Variants in CERS6 observed in about 807,000 individuals in gnomAD.
CERS6 encodes ceramide synthase 6, also known as LAG1 homolog, ceramide synthase 6.
CERS6 carries 26 observed loss-of-function variants against 56.8 expected under a neutral mutation model. That is an observed-to-expected ratio of 0.46 (90% CI 0.34 to 0.63). CERS6 has a LOEUF of 0.63. Ranked by LOEUF, CERS6 falls within the 30% of genes least tolerant of loss-of-function variation. The pLI, the probability that CERS6 is intolerant of heterozygous loss-of-function variation, is 0.01. For synonymous variants in CERS6, 164 were observed against 173.3 expected, an observed-to-expected ratio of 0.95 and a Z score of 0.42; for missense variants, 415 against 467.5, an observed-to-expected ratio of 0.89 and a Z score of 1.04.
chr2:168,655,544 A>G (rs1262581640), intron 4 of CERS6, among the ~76,000 whole-genome samples: 1 of 152,240 alleles, frequency 6.6e-6, no homozygotes, highest in Non-Finnish European at 1.5e-5. Context: ...ATTCAGCCTT[A>G]AAAAGGTGAT....
At chr2:168,744,998 T>TCC (rs1234600600) in intron 8 of CERS6, among the ~76,000 whole-genome samples, 1 of 152,126 alleles carries the variant, frequency 6.6e-6, no homozygotes, top group Non-Finnish European at 1.5e-5. Context: ...CTTTTGAAGC[T>TCC]CCCCAGGTGA....
At chr2:168,484,774 A>G (rs993624926) in intron 1 of CERS6, among the ~76,000 whole-genome samples, 1 of 152,114 alleles carries the variant, frequency 6.6e-6, no homozygotes, top group African/African-American at 2.4e-5. Context: ...GGCATTTAGC[A>G]TTTAAGTCCT....
chr2:168,510,815 C>T (rs1040531416), intron 1 of CERS6, among the ~76,000 whole-genome samples: 4 of 151,724 alleles, frequency 2.6e-5, no homozygotes, highest in East Asian at 1.9e-4. Context: ...AACTGTTTTA[C>T]GTGCATTAAC....
At chr2:168,579,061 T>C (rs181446251) in intron 3 of CERS6, among the ~76,000 whole-genome samples, 1 of 152,198 alleles carries the variant, frequency 6.6e-6, no homozygotes, top group Admixed American at 6.5e-5. Flanking sequence ...ATTTTTATTA[T>C]GAAAATTTTG....
chr2:168,500,823 T>C (rs897010076), intron 1 of CERS6, among the ~76,000 whole-genome samples: 2 of 152,214 alleles, frequency 1.3e-5, no homozygotes, highest in African/African-American at 4.8e-5. Flanking sequence ...TCCTGTCTAA[T>C]TTTGACAGTG....
At chr2:168,522,932 T>A (rs760342820) in intron 1 of CERS6, among the ~76,000 whole-genome samples, 2 of 152,226 alleles carry the variant, frequency 1.3e-5, no homozygotes, top group African/African-American at 2.4e-5. Flanking sequence ...CTCAAGTAGA[T>A]GAAACTCAAT....
At chr2:168,632,064 G>A (rs975296386) in intron 4 of CERS6, among the ~76,000 whole-genome samples, 1 of 151,264 alleles carries the variant, frequency 6.6e-6, no homozygotes, top group Admixed American at 6.6e-5. Context: ...GTAATTCCTT[G>A]TGGCTGCTAT....
chr2:168,732,902 G>A (rs1290561810), intron 8 of CERS6, among the ~76,000 whole-genome samples: 1 of 151,982 alleles, frequency 6.6e-6, no homozygotes, highest in East Asian at 1.9e-4. Flanking sequence ...AGTGATGCTT[G>A]GTTGTGTGTT....
chr2:168,702,478 A>G (rs1686830069), intron 6 of CERS6, among the ~76,000 whole-genome samples: 1 of 152,236 alleles, frequency 6.6e-6, no homozygotes, highest in Admixed American at 6.5e-5. Flanking sequence ...CTTTCAAGCA[A>G]AAATTAGATT....
chr2:168,556,535 T>A (rs368531666), intron 2 of CERS6, among the ~76,000 whole-genome samples: 2 of 152,106 alleles, frequency 1.3e-5, no homozygotes, highest in East Asian at 3.8e-4. Context: ...TTGTGCCAAA[T>A]TTTACATTGA....
At position 168,773,677 on chromosome 2, in the gene CERS6, A is replaced by G. The variant is rs753430116; in HGVS notation, c.*4015A>G. On this transcript the variant is annotated 3_prime_UTR_variant, in exon 10 of 10. Coordinates refer to ENST00000305747, the MANE Select transcript of CERS6 (RefSeq NM_203463.3). ...AGCCGCCCTTGAAGAAAACGCAGCAAAATATTTTAAAATGAAGATATTGCA... is the reference window on the plus strand; with the variant it reads ...AGCCGCCCTTGAAGAAAACGCAGCAGAATATTTTAAAATGAAGATATTGCA... 2.0e-5 allele frequency: 3 copies of G among 152,224 alleles called. No homozygotes were observed. Among genetic ancestry groups the G allele is most frequent in the Non-Finnish European group, 2.9e-5 (2 of 68,040 alleles). The allele number at this position is 152,224 out of a possible 1,614,324, so 9.4% of individuals were successfully genotyped here. A position where few individuals can be genotyped will look rare whatever the true frequency, so the allele number is the denominator to read the frequency against.
At chr2:168,493,828 T>C (rs1278810319) in intron 1 of CERS6, among the ~76,000 whole-genome samples, 1 of 150,088 alleles carries the variant, frequency 6.7e-6, no homozygotes, top group East Asian at 2.0e-4. Flanking sequence ...ATTAATGTAA[T>C]ATATTAATAT....
At chr2:168,677,547 G>A (rs185371794) in intron 4 of CERS6, among the ~76,000 whole-genome samples, 69 of 152,106 alleles carry the variant, frequency 4.5e-4, no homozygotes, top group African/African-American at 1.6e-3. Flanking sequence ...GCCCAGGCTG[G>A]AGTGCAATGG....
intron 4 of CERS6, among the ~76,000 whole-genome samples, chr2:168,675,960 C>T (rs1686048502): frequency 6.6e-6 from 1 of 152,164 alleles, no homozygotes; most frequent in Non-Finnish European, 1.5e-5. Context: ...GCTGAGATTA[C>T]AGGCGTGAGT....
intron 1 of CERS6, among the ~76,000 whole-genome samples, chr2:168,539,831 G>A (rs551919683): frequency 2.0e-5 from 3 of 152,198 alleles, no homozygotes; most frequent in African/African-American, 4.8e-5. Flanking sequence ...CTTATGCATA[G>A]GTTTTTTTCT....
At chr2:168,604,356 TGACAGA>T (rs1311674735) in intron 3 of CERS6, among the ~76,000 whole-genome samples, 5 of 150,256 alleles carry the variant, frequency 3.3e-5, no homozygotes, top group Non-Finnish European at 7.4e-5. Flanking sequence ...GGTATGTGTG[TGACAGA>T]GACAGATTGA....
chr2:168,593,592 A>C (rs1683726991), intron 3 of CERS6, among the ~76,000 whole-genome samples: 1 of 152,112 alleles, frequency 6.6e-6, no homozygotes, highest in Non-Finnish European at 1.5e-5. Context: ...CTTTCTGTGC[A>C]CATAATAGAA....
chr2:168,558,896 A>G (rs1240552684), intron 2 of CERS6, among the ~76,000 whole-genome samples: 2 of 152,174 alleles, frequency 1.3e-5, no homozygotes, highest in Non-Finnish European at 2.9e-5. Flanking sequence ...TGATTTAATA[A>G]TAACTATGGT....
At chr2:168,558,693 C>A (rs1399141537) in intron 2 of CERS6, among the ~76,000 whole-genome samples, 1 of 152,284 alleles carries the variant, frequency 6.6e-6, no homozygotes, top group South Asian at 2.1e-4. Flanking sequence ...CACAGTGAAA[C>A]CCCGTCTCTA....
Sources: allele counts gnomAD v4.1 joint callset (sites outside exome capture counted in the v4.1 genomes callset), GRCh38; gene constraint gnomAD v4.1.1; transcripts MANE v1.5; gene names NCBI Gene and HGNC (gene_info 2026-07-23, HGNC 2026-07-21).